Variants in EIF4G3 observed in about 807,000 individuals in gnomAD.
EIF4G3 encodes eukaryotic translation initiation factor 4 gamma 3, also known as eIF-4-gamma 3.
EIF4G3 carries 34 observed loss-of-function variants against 186.4 expected under a neutral mutation model. The observed-to-expected ratio is 0.18, with a 90% CI of 0.14 to 0.24. The LOEUF (loss-of-function observed/expected upper bound fraction) is 0.24, where lower values mean the gene tolerates loss of function less well. EIF4G3 is among the 10% of genes least tolerant of loss of function. The pLI, the probability that EIF4G3 is intolerant of heterozygous loss-of-function variation, is 1.00. For missense variants in EIF4G3, 1,536 were observed against 1,948.5 expected (o/e 0.79, Z 3.99); for synonymous variants, 673 against 679.5 (o/e 0.99, Z 0.15).
At chr1:21,027,367 G>A (rs531295221) in intron 4 of EIF4G3, among the ~76,000 whole-genome samples, 11 of 151,344 alleles carry the variant, frequency 7.3e-5, no homozygotes, top group Non-Finnish European at 1.5e-4. Flanking sequence ...ACAGTGGCTC[G>A]TGCCTGTAAT....
chr1:21,012,773 C>T (rs1288118267), intron 4 of EIF4G3, among the ~76,000 whole-genome samples: 1 of 152,184 alleles, frequency 6.6e-6, no homozygotes, highest in Non-Finnish European at 1.5e-5. Flanking sequence ...GAGATTCACA[C>T]CATGGACTTT....
chr1:21,051,073 T>C, intron 3 of EIF4G3, 79 bp from the exon 4 acceptor site: 1 of 694,724 alleles, frequency 1.4e-6, no homozygotes, highest in South Asian at 1.6e-5. Flanking sequence ...TATCTGATTT[T>C]TAATTGGATT....
At chr1:20,888,483 T>G (rs1176226865) in intron 18 of EIF4G3, among the ~76,000 whole-genome samples, 1 of 152,160 alleles carries the variant, frequency 6.6e-6, no homozygotes, top group Non-Finnish European at 1.5e-5. Context: ...TTAATCAATC[T>G]CTAATGTGCC....
chr1:21,117,736 T>TAAAAAAAAAAAAGAAAAAAAAAAAAAAA (rs2096850493), intron 2 of EIF4G3, among the ~76,000 whole-genome samples: 1 of 73,088 alleles, frequency 1.4e-5, no homozygotes, highest in Non-Finnish European at 2.6e-5. Flanking sequence ...CAGTATATAG[T>TAAAAAAAAAAAAGAAAAAAAAAAAAAAA]AAAAAAAAAA....
intron 2 of EIF4G3, chr1:21,168,103 T>C (rs2097889441): frequency 2.1e-6 from 1 of 465,960 alleles, no homozygotes; most frequent in Non-Finnish European, 4.4e-6. Context: ...AGAATAAAAC[T>C]ATTCAAGAAG....
chr1:21,054,279 G>C (rs999084357), intron 3 of EIF4G3, among the ~76,000 whole-genome samples: 9 of 149,546 alleles, frequency 6.0e-5, no homozygotes, highest in Non-Finnish European at 7.4e-5. Flanking sequence ...CAGCATGCCC[G>C]TTAAGAGTCA....
chr1:20,851,161 G>T, intron 28 of EIF4G3, 97 bp downstream of exon 28: 3 of 1,073,680 alleles, frequency 2.8e-6, no homozygotes, highest in Non-Finnish European at 4.1e-6. Context: ...TTGCTATTAT[G>T]TGTTAATTCT....
chr1:20,885,877 A>C (rs778674259), intron 19 of EIF4G3, among the ~76,000 whole-genome samples: 122 of 152,242 alleles, frequency 8.0e-4, no homozygotes, highest in Non-Finnish European at 1.2e-3. Context: ...TAGGATAAAT[A>C]GGATAAAGAG....
At chr1:21,054,465 A>AT (rs2094469198) in intron 3 of EIF4G3, among the ~76,000 whole-genome samples, 1 of 151,556 alleles carries the variant, frequency 6.6e-6, no homozygotes, top group Middle Eastern at 3.4e-3. Flanking sequence ...AGAATGATCA[A>AT]TAAAAAAAAA....
chr1:21,042,111 C>A lies in EIF4G3; in HGVS notation c.-67+8755G>T, dbSNP rs572154336. On this transcript the variant is annotated intron_variant, in intron 4 of 36. Transcript: ENST00000602326. ...AGGGGATGCTCCCACTTTAGCCTCC[C>A]AATCAGGTGAGACGAGAGGCCCACG... is the stretch of plus-strand genomic sequence containing the variant. 1.8e-3 allele frequency among the ~76,000 whole-genome samples: 269 copies of A among 152,008 alleles called. 4 individuals carry two copies. Among genetic ancestry groups the A allele is most frequent in the Non-Finnish European group, 2.5e-4 (17 of 67,950 alleles).
chr1:20,994,308 G>A (rs2081788739), intron 7 of EIF4G3, among the ~76,000 whole-genome samples: 1 of 152,078 alleles, frequency 6.6e-6, no homozygotes, highest in Admixed American at 6.6e-5. Context: ...CATAATGCCG[G>A]TTCAGTTAGC....
chr1:20,965,201 C>T (rs1170687689), intron 12 of EIF4G3, among the ~76,000 whole-genome samples: 1 of 152,136 alleles, frequency 6.6e-6, no homozygotes, highest in Admixed American at 6.5e-5. Context: ...AACCTCAAGA[C>T]CAAATTAGAT....
chr1:21,122,036 G>T (rs1450709841), intron 2 of EIF4G3, among the ~76,000 whole-genome samples: 4 of 152,098 alleles, frequency 2.6e-5, no homozygotes, highest in African/African-American at 2.4e-5. Flanking sequence ...TCGCACACCT[G>T]GTGAGAGTCA....
intron 2 of EIF4G3, among the ~76,000 whole-genome samples, chr1:21,125,129 C>T (rs1170101558): frequency 2.0e-5 from 3 of 152,082 alleles, no homozygotes; most frequent in Non-Finnish European, 2.9e-5. Flanking sequence ...CTTAAAGCTG[C>T]TGATTTCTCA....
chr1:20,942,376 A>G (rs2095752341), intron 13 of EIF4G3, 46 bp from the exon 14 acceptor site: 1 of 1,521,144 alleles, frequency 6.6e-7, no homozygotes, highest in South Asian at 1.3e-5. Flanking sequence ...TGGATCAGAG[A>G]CTACATATTG....
intron 14 of EIF4G3, among the ~76,000 whole-genome samples, chr1:20,920,841 G>A (rs2094438573): frequency 6.6e-6 from 1 of 151,912 alleles, no homozygotes; most frequent in Admixed American, 6.6e-5. Context: ...AATGGCAGTG[G>A]CCCAGGTTTC....
intron 3 of EIF4G3, among the ~76,000 whole-genome samples, chr1:21,080,586 C>G (rs765125182): frequency 1.3e-5 from 2 of 152,074 alleles, no homozygotes; most frequent in Admixed American, 6.6e-5. Context: ...CTCAGCTCAC[C>G]GCAACCTCTG....
chr1:21,155,335 C>G (rs1159299205), intron 2 of EIF4G3, among the ~76,000 whole-genome samples: 1 of 149,642 alleles, frequency 6.7e-6, no homozygotes, highest in African/African-American at 2.5e-5. Flanking sequence ...CAAAGACAAG[C>G]TAACTGAAAC....
chr1:21,060,973 C>T (rs986343678), intron 3 of EIF4G3, among the ~76,000 whole-genome samples: 7 of 152,006 alleles, frequency 4.6e-5, no homozygotes, highest in Non-Finnish European at 8.8e-5. Flanking sequence ...GTACTAGGTG[C>T]ATGGAATACA....
Sources: gnomAD v4.1 joint callset for allele counts (sites outside exome capture counted in the v4.1 genomes callset) on GRCh38, gnomAD v4.1.1 for gene constraint, MANE v1.5 for transcripts, NCBI Gene and HGNC (gene_info 2026-07-23, HGNC 2026-07-21) for gene names.